MEGF10: variants seen among roughly 807,000 people sequenced by gnomAD.
MEGF10 encodes the protein multiple EGF like domains 10, also known as multiple epidermal growth factor-like domains protein 10.
Under a neutral mutation model 147.5 loss-of-function variants are expected in MEGF10, and 86 were observed. The ratio of observed to expected loss-of-function variants is 0.58; its 90% CI spans 0.49 to 0.70. The LOEUF is 0.70. MEGF10 is among the 30% of genes least tolerant of loss of function. The probability of loss-of-function intolerance (pLI) is 0.00; values close to 1 mark genes in which losing one functional copy is unlikely to be tolerated. For synonymous variants in MEGF10, 478 were observed against 525.5 expected, an observed-to-expected ratio of 0.91 and a Z score of 1.24; for missense variants, 1,329 against 1,487.3, an observed-to-expected ratio of 0.89 and a Z score of 1.75.
intron 4 of MEGF10, among the ~76,000 whole-genome samples, chr5:127,346,428 T>C (rs1043871656): frequency 6.6e-6 from 1 of 152,202 alleles, no homozygotes; most frequent in African/African-American, 2.4e-5. Context: ...TATCATATTA[T>C]GGTTTTGATT....
At chr5:127,230,686 T>C in the MEGF10 span, among the ~76,000 whole-genome samples, 1 of 152,194 alleles carries the variant, frequency 6.6e-6, no homozygotes, top group Non-Finnish European at 1.5e-5. Flanking sequence ...GAGGCAGGCC[T>C]GTTTTGTGAT....
chr5:127,303,142 G>A (rs1174356652), intron 1 of MEGF10, among the ~76,000 whole-genome samples: 1 of 152,084 alleles, frequency 6.6e-6, no homozygotes, highest in Admixed American at 6.6e-5. Flanking sequence ...TTTGAGACCA[G>A]CCTGGCCAAC....
the MEGF10 span, among the ~76,000 whole-genome samples, chr5:127,285,052 T>C: frequency 6.6e-6 from 1 of 152,216 alleles, no homozygotes; most frequent in Non-Finnish European, 1.5e-5. Flanking sequence ...GATGTAATAA[T>C]AGAATTGTAG....
intron 1 of MEGF10, among the ~76,000 whole-genome samples, chr5:127,303,597 A>G (rs556329120): frequency 6.6e-6 from 1 of 152,308 alleles, no homozygotes; most frequent in South Asian, 2.1e-4. Flanking sequence ...ACTCCATGCA[A>G]TCTTCTATGC....
At chr5:127,327,591 T>C (rs1199187995) in intron 1 of MEGF10, among the ~76,000 whole-genome samples, 3 of 152,088 alleles carry the variant, frequency 2.0e-5, no homozygotes, top group South Asian at 2.1e-4. Flanking sequence ...TTCTTCAGAG[T>C]AGGCATAGTG....
At chr5:127,396,254 C>G (rs1175212440) in intron 5 of MEGF10, among the ~76,000 whole-genome samples, 1 of 152,194 alleles carries the variant, frequency 6.6e-6, no homozygotes, top group Non-Finnish European at 1.5e-5. Flanking sequence ...ACTCCACACT[C>G]TGGATGCAGA....
the MEGF10 span, among the ~76,000 whole-genome samples, chr5:127,237,225 G>A: frequency 1.3e-5 from 2 of 152,244 alleles, no homozygotes; most frequent in African/African-American, 4.8e-5. Flanking sequence ...GGCCAGGCGT[G>A]GTGGCTCATG....
intron 10 of MEGF10, 140 bp from the exon 11 acceptor site, chr5:127,418,980 T>C (rs1238244106): frequency 2.9e-6 from 3 of 1,041,642 alleles, no homozygotes; most frequent in Admixed American, 2.7e-5. Context: ...GGTGACATTA[T>C]GACAAAATTT....
chr5:127,394,913 C>T (rs1337652114), intron 5 of MEGF10, among the ~76,000 whole-genome samples: 1 of 152,132 alleles, frequency 6.6e-6, no homozygotes. Context: ...CAGAATTATT[C>T]ATTTAAACCT....
intron 12 of MEGF10, among the ~76,000 whole-genome samples, chr5:127,420,924 G>A (rs946911520): frequency 2.6e-5 from 4 of 152,106 alleles, no homozygotes; most frequent in Non-Finnish European, 4.4e-5. Context: ...CTGCCTCCAG[G>A]ACATCATCTG....
chr5:127,322,356 A>G (rs1419247884), intron 1 of MEGF10, among the ~76,000 whole-genome samples: 1 of 151,944 alleles, frequency 6.6e-6, no homozygotes, highest in Non-Finnish European at 1.5e-5. Flanking sequence ...TCCTCTGAGC[A>G]CTCACTTTCT....
At chr5:127,413,109 C>G (rs1764633062) in intron 9 of MEGF10, among the ~76,000 whole-genome samples, 1 of 152,116 alleles carries the variant, frequency 6.6e-6, no homozygotes, top group South Asian at 2.1e-4. Flanking sequence ...GGAGGTGTTG[C>G]AAAGAATTTG....
At chr5:127,230,941 T>G in the MEGF10 span, among the ~76,000 whole-genome samples, 2 of 151,704 alleles carry the variant, frequency 1.3e-5, no homozygotes, top group African/African-American at 2.4e-5. Flanking sequence ...TTGCCCAGAG[T>G]TGGGCAAGGC....
At chr5:127,304,768 T>G (rs1759936926) in intron 1 of MEGF10, among the ~76,000 whole-genome samples, 1 of 152,220 alleles carries the variant, frequency 6.6e-6, no homozygotes, top group African/African-American at 2.4e-5. Flanking sequence ...GTTCTGGAGT[T>G]ACAGGGGTGA....
At chr5:127,355,135 G>A (rs1762236060) in intron 4 of MEGF10, among the ~76,000 whole-genome samples, 1 of 152,146 alleles carries the variant, frequency 6.6e-6, no homozygotes, top group Admixed American at 6.5e-5. Flanking sequence ...TTAGCCTTCG[G>A]CAGAGGTCTG....
chr5:127,348,673 G>A (rs1346695103), intron 4 of MEGF10, among the ~76,000 whole-genome samples: 1 of 152,094 alleles, frequency 6.6e-6, no homozygotes, highest in Admixed American at 6.6e-5. Context: ...AAACATAGTT[G>A]CTTCTTAAGC....
the MEGF10 span, among the ~76,000 whole-genome samples, chr5:127,253,857 C>T: frequency 6.6e-6 from 1 of 151,968 alleles, no homozygotes; most frequent in Admixed American, 6.6e-5. Context: ...GTCAGTTCTC[C>T]TTAAATTATC....
intron 12 of MEGF10, among the ~76,000 whole-genome samples, chr5:127,420,582 G>A (rs977287737): frequency 2.6e-5 from 4 of 152,038 alleles, no homozygotes; most frequent in African/African-American, 9.7e-5. Context: ...GGTAGAAAGT[G>A]GCAGGGAGTT....
rs774497111 is a variant in MEGF10 at position 127,438,456 on chromosome 5, T to G, written c.2122T>G (p.Trp708Gly). Reference sequence around the variant, plus strand: ...AATTTCAGCATGTCCACCTGCCCACTGGGGCCCAAACTGCATCCACACGTG... The same window carrying G: ...AATTTCAGCATGTCCACCTGCCCACGGGGGCCCAAACTGCATCCACACGTG... ...DCSQPCPPAH[W>G]GPNCIHTCNC... The change falls in exon 17 of 25, where the codon TGG becomes GGG. Residue 708 changes from tryptophan (W) to glycine (G), a missense_variant. By Grantham distance (184) the Trp-to-Gly change is radical. Transcript: ENST00000503335. 6.2e-7 allele frequency: 1 copy of G among 1,614,078 alleles called. No homozygotes were observed. Among genetic ancestry groups the G allele is most frequent in the South Asian group, 1.1e-5 (1 of 91,078 alleles).
Sources: gnomAD v4.1 joint callset for allele counts (sites outside exome capture counted in the v4.1 genomes callset) on GRCh38, gnomAD v4.1.1 for gene constraint, MANE v1.5 for transcripts, NCBI Gene and HGNC (gene_info 2026-07-23, HGNC 2026-07-21) for gene names.